The following CNTNAP2 variants were observed in gnomAD, a reference collection of about 807,000 sequenced individuals.
CNTNAP2 encodes the protein contactin-associated protein-like 2.
Under a neutral mutation model 155.2 loss-of-function variants are expected in CNTNAP2, and 98 were observed. The ratio of observed to expected loss-of-function variants is 0.63; its 90% CI spans 0.54 to 0.75. CNTNAP2 has a LOEUF of 0.75. CNTNAP2 is among the 30% of genes least tolerant of loss of function. The pLI is 0.00. For synonymous variants in CNTNAP2, 651 were observed against 631.2 expected, an observed-to-expected ratio of 1.03 and a Z score of -0.47; for missense variants, 1,727 against 1,688.1, an observed-to-expected ratio of 1.02 and a Z score of -0.40.
chr7:146,585,364 C>A (rs1480745744), intron 1 of CNTNAP2, among the ~76,000 whole-genome samples: 1 of 152,076 alleles, frequency 6.6e-6, no homozygotes, highest in Non-Finnish European at 1.5e-5. Context: ...TCGTGATCCA[C>A]CCACCTCCGC....
chr7:146,598,153 C>T (rs1010420537), intron 1 of CNTNAP2, among the ~76,000 whole-genome samples: 3 of 152,062 alleles, frequency 2.0e-5, no homozygotes, highest in Admixed American at 2.0e-4. Context: ...CTGTGTTTCA[C>T]GACCATTGAA....
intron 1 of CNTNAP2, among the ~76,000 whole-genome samples, chr7:146,188,562 T>C (rs1562982890): frequency 6.6e-6 from 1 of 152,210 alleles, no homozygotes; most frequent in Non-Finnish European, 1.5e-5. Context: ...CAGGTTAATT[T>C]GTTCTAGAAA....
At chr7:147,079,470 G>A (rs1010711868) in intron 4 of CNTNAP2, among the ~76,000 whole-genome samples, 1 of 151,800 alleles carries the variant, frequency 6.6e-6, no homozygotes, top group African/African-American at 2.4e-5. Flanking sequence ...ACCCTGGATA[G>A]CATTAGGAGA....
intron 1 of CNTNAP2, among the ~76,000 whole-genome samples, chr7:146,687,546 A>G (rs1395868256): frequency 6.6e-6 from 1 of 152,132 alleles, no homozygotes. Context: ...TTCTTATCTA[A>G]ATGATGCAAA....
chr7:146,412,745 C>T (rs561623586), intron 1 of CNTNAP2, among the ~76,000 whole-genome samples: 8 of 152,284 alleles, frequency 5.3e-5, no homozygotes, highest in South Asian at 4.1e-4. Context: ...TTACATTCAA[C>T]GGACATAGAA....
intron 13 of CNTNAP2, among the ~76,000 whole-genome samples, chr7:147,790,853 C>T (rs1240722562): frequency 3.9e-5 from 6 of 152,238 alleles, no homozygotes; most frequent in Non-Finnish European, 8.8e-5. Flanking sequence ...ATAACTTCCA[C>T]CTCTGAGCAT....
intron 9 of CNTNAP2, among the ~76,000 whole-genome samples, chr7:147,340,339 G>T (rs569108057): frequency 2.3e-4 from 35 of 152,222 alleles, no homozygotes; most frequent in African/African-American, 7.9e-4. Context: ...TATGTAAAAT[G>T]TCACACTTTT....
intron 2 of CNTNAP2, among the ~76,000 whole-genome samples, chr7:146,822,955 A>C (rs1159420972): frequency 2.1e-5 from 2 of 95,560 alleles, no homozygotes; most frequent in Admixed American, 1.3e-4. Context: ...CAGCATATTT[A>C]CATGGAAATA....
chr7:146,345,361 G>T (rs956936408), intron 1 of CNTNAP2, among the ~76,000 whole-genome samples: 1 of 152,198 alleles, frequency 6.6e-6, no homozygotes, highest in East Asian at 1.9e-4. Flanking sequence ...TTAAAGGCAT[G>T]TTAGGGTCCT....
At chr7:148,249,155 T>G (rs1212506293) in intron 20 of CNTNAP2, among the ~76,000 whole-genome samples, 5 of 152,192 alleles carry the variant, frequency 3.3e-5, no homozygotes, top group African/African-American at 4.8e-5. Flanking sequence ...TTATCCTCAT[T>G]TTTTCTTATT....
chr7:148,037,425 G>T (rs532753533), intron 15 of CNTNAP2, among the ~76,000 whole-genome samples: 1 of 152,296 alleles, frequency 6.6e-6, no homozygotes, highest in East Asian at 1.9e-4. Context: ...CCCACTTGTT[G>T]CTTCTCTTGG....
intron 1 of CNTNAP2, among the ~76,000 whole-genome samples, chr7:146,344,168 T>C (rs762616336): frequency 6.6e-6 from 1 of 152,172 alleles, no homozygotes; most frequent in Non-Finnish European, 1.5e-5. Flanking sequence ...ACCAAAATTC[T>C]GAAGAGAATG....
intron 1 of CNTNAP2, among the ~76,000 whole-genome samples, chr7:146,205,854 A>G (rs1354946792): frequency 9.9e-5 from 15 of 151,940 alleles, no homozygotes; most frequent in Non-Finnish European, 1.5e-5. Context: ...TTTTGTATAC[A>G]GAGTCATAGA....
chr7:146,538,338 G>A (rs912613730), intron 1 of CNTNAP2, among the ~76,000 whole-genome samples: 3 of 152,122 alleles, frequency 2.0e-5, no homozygotes, highest in African/African-American at 7.2e-5. Flanking sequence ...TAAAGCAGCT[G>A]TGGGTCTGGC....
intron 1 of CNTNAP2, among the ~76,000 whole-genome samples, chr7:146,726,731 A>C (rs1801437280): frequency 6.6e-6 from 1 of 152,148 alleles, no homozygotes; most frequent in Non-Finnish European, 1.5e-5. Context: ...TGGTGTAAAG[A>C]GTAGTCTTGG....
At chr7:146,422,405 T>C (rs940786239) in intron 1 of CNTNAP2, among the ~76,000 whole-genome samples, 5 of 151,022 alleles carry the variant, frequency 3.3e-5, no homozygotes, top group African/African-American at 9.7e-5. Context: ...CTGTGTGTGG[T>C]CTTTATTTTC....
intron 1 of CNTNAP2, among the ~76,000 whole-genome samples, chr7:146,274,615 G>T (rs531961351): frequency 5.9e-5 from 9 of 152,268 alleles, no homozygotes; most frequent in African/African-American, 2.2e-4. Context: ...GTTATTATGT[G>T]ATTCCACCCC....
At chr7:146,679,145 T>C (rs1800455608) in intron 1 of CNTNAP2, among the ~76,000 whole-genome samples, 1 of 152,102 alleles carries the variant, frequency 6.6e-6, no homozygotes, top group Non-Finnish European at 1.5e-5. Flanking sequence ...TTATTTCTGA[T>C]CCTCTTCCTC....
At chr7:147,039,613 T>A (rs1799221771) in intron 3 of CNTNAP2, among the ~76,000 whole-genome samples, 1 of 152,216 alleles carries the variant, frequency 6.6e-6, no homozygotes, top group Non-Finnish European at 1.5e-5. Context: ...TTTGCTATTG[T>A]GAATAGTGCC....
Sources: allele counts gnomAD v4.1 joint callset (sites outside exome capture counted in the v4.1 genomes callset), GRCh38; gene constraint gnomAD v4.1.1; transcripts MANE v1.5; gene names NCBI Gene and HGNC (gene_info 2026-07-23, HGNC 2026-07-21).